The following ARHGEF33 variants were observed in gnomAD, a reference collection of about 807,000 sequenced individuals.
ARHGEF33 encodes DH and coiled-coil domain-containing protein ENSP00000381780.
A neutral mutation model predicts 101.9 loss-of-function variants in ARHGEF33; 72 were observed. The observed-to-expected ratio is 0.71, with a 90% CI of 0.58 to 0.86. The LOEUF is 0.86. Ranked by LOEUF, ARHGEF33 falls within the 40% of genes least tolerant of loss-of-function variation. ARHGEF33 has a pLI of 0.00. For missense variants in ARHGEF33, 1,169 were observed against 1,111.3 expected, an observed-to-expected ratio of 1.05 and a Z score of -0.74; for synonymous variants, 499 against 442.5, an observed-to-expected ratio of 1.13 and a Z score of -1.60.
At position 38,895,868 on chromosome 2, in the gene ARHGEF33, G is replaced by T. The variant is rs1164503041; in HGVS notation, c.-86+19G>T. On this transcript the variant is annotated intron_variant, in intron 2 of 17. Coordinates refer to ENST00000409978, the MANE Select transcript of ARHGEF33 (RefSeq NM_001145451.5). ...GCACGAGGTGAGTGAAAATTGCAAA[G>T]AACTGTTTTCTAATAAGAACACAGG... The T allele has an allele frequency of 6.6e-6, 1 of 151,776 alleles. No individual in the cohort carries two copies. Among genetic ancestry groups the T allele is most frequent in the African/African-American group, 2.4e-5 (1 of 41,280 alleles). 9.4% of individuals were successfully genotyped at this position (151,776 alleles called of 1,614,324 possible). A position where few individuals can be genotyped will look rare whatever the true frequency, so the allele number is the denominator to read the frequency against.
intron 17 of ARHGEF33, among the ~76,000 whole-genome samples, chr2:38,971,616 C>T (rs937742281): frequency 3.3e-5 from 5 of 152,040 alleles, no homozygotes; most frequent in East Asian, 1.9e-4. Flanking sequence ...TATATGTAAG[C>T]GTTATAAAGA....
At chr2:38,961,001 C>A (rs1172895541) in intron 16 of ARHGEF33, among the ~76,000 whole-genome samples, 1 of 152,108 alleles carries the variant, frequency 6.6e-6, no homozygotes, top group East Asian at 1.9e-4. Context: ...GTAATCTCTT[C>A]CTGCTTATGT....
intron 9 of ARHGEF33, among the ~76,000 whole-genome samples, chr2:38,942,096 A>G (rs954310795): frequency 2.1e-5 from 3 of 145,784 alleles, no homozygotes; most frequent in Non-Finnish European, 4.5e-5. Context: ...TTGATGTTGG[A>G]CCTCTTGGAT....
Position 38,975,378 on chromosome 2 carries a change from C to T in ARHGEF33, c.*1535C>T, listed in dbSNP as rs573498510. ...TGGCCGGCAGTGCTTGCAAGCACAA[C>T]GCCAAATCGACTGGACGTGGAAAGT... On this transcript the variant is annotated 3_prime_UTR_variant, in exon 18 of 18. Transcript: ENST00000409978. 2.6e-5 allele frequency: 4 copies of T among 152,262 alleles called. No individual in the cohort carries two copies. The highest frequency in any genetic ancestry group is 9.6e-5 in the African/African-American group (4 of 41,558). 9.4% of individuals were successfully genotyped at this position (152,262 alleles called of 1,614,324 possible). A position where few individuals can be genotyped will look rare whatever the true frequency, so the allele number is the denominator to read the frequency against.
At chr2:38,944,230 T>C (rs564861789) in intron 10 of ARHGEF33, among the ~76,000 whole-genome samples, 200 bp downstream of exon 10, 1 of 152,368 alleles carries the variant, frequency 6.6e-6, no homozygotes. Context: ...TAACTTTTAA[T>C]GAACAGAAAT....
At chr2:38,900,889 A>G (rs1431350241) in intron 2 of ARHGEF33, among the ~76,000 whole-genome samples, 1 of 152,200 alleles carries the variant, frequency 6.6e-6, no homozygotes, top group African/African-American at 2.4e-5. Context: ...GGAAGGGTGG[A>G]AGAGGAGGCT....
intron 4 of ARHGEF33, among the ~76,000 whole-genome samples, chr2:38,922,412 G>A (rs573633258): frequency 4.2e-4 from 64 of 152,228 alleles, no homozygotes; most frequent in Middle Eastern, 3.4e-3. Flanking sequence ...TAGATTTGTC[G>A]AGTTTAAGTG....
chr2:38,953,120 G>A, intron 11 of ARHGEF33, 42 bp from the exon 12 acceptor site: 3 of 907,766 alleles, frequency 3.3e-6, no homozygotes, highest in Non-Finnish European at 5.4e-6. Context: ...TATAGATCCT[G>A]TTTTCAGGTT....
At chr2:38,911,786 G>A (rs1306469304) in intron 2 of ARHGEF33, among the ~76,000 whole-genome samples, 2 of 152,150 alleles carry the variant, frequency 1.3e-5, no homozygotes, top group East Asian at 3.9e-4. Context: ...TGAGGCAGGA[G>A]GATTGCTTGA....
chr2:38,928,779 A>T, intron 4 of ARHGEF33, 128 bp from the exon 5 acceptor site: 2 of 808,040 alleles, frequency 2.5e-6, no homozygotes, highest in Non-Finnish European at 3.8e-6. Flanking sequence ...AAAGTGAAGT[A>T]CACTAGTAAA....
At chr2:38,937,637 C>T in intron 9 of ARHGEF33, 78 bp downstream of exon 9, 1 of 889,308 alleles carries the variant, frequency 1.1e-6, no homozygotes, top group African/African-American at 1.7e-5. Context: ...AGGCGAGAAT[C>T]CTTGCCGTTT....
At chr2:38,945,527 G>A (rs1426323819) in intron 10 of ARHGEF33, among the ~76,000 whole-genome samples, 1 of 152,234 alleles carries the variant, frequency 6.6e-6, no homozygotes, top group Non-Finnish European at 1.5e-5. Context: ...TCCCTATCTG[G>A]CCCTTCCAGT....
intron 10 of ARHGEF33, among the ~76,000 whole-genome samples, chr2:38,944,418 T>C (rs1484879164): frequency 6.6e-6 from 1 of 152,094 alleles, no homozygotes; most frequent in Non-Finnish European, 1.5e-5. Flanking sequence ...GCCCCTTTTG[T>C]AGTGGCAATA....
intron 10 of ARHGEF33, among the ~76,000 whole-genome samples, chr2:38,948,106 A>T (rs77534654): frequency 6.6e-6 from 1 of 152,022 alleles, no homozygotes; most frequent in South Asian, 2.1e-4. Context: ...AAAAAAAAAA[A>T]GCTGAGCTCT....
rs112521380 is a variant in ARHGEF33, at chr2:38,944,876, G to GTGT, written c.920+846_920+847insTGT. On this transcript the variant is annotated intron_variant, in intron 10 of 17. Transcript: ENST00000409978. ...ATCTTATGGTACTGAGTAATGCATG[G>GTGT]GTGTGTGTGTGTGTGTGTGTGTGTG... 2.7e-5 allele frequency among the ~76,000 whole-genome samples: 4 copies of GTGT among 145,646 alleles called. No individual in the cohort carries two copies. In the South Asian group the frequency reaches 6.6e-4, roughly 24 times the overall value.
intron 10 of ARHGEF33, among the ~76,000 whole-genome samples, chr2:38,945,655 G>C (rs1667428382): frequency 6.6e-6 from 1 of 152,270 alleles, no homozygotes; most frequent in African/African-American, 2.4e-5. Context: ...TAAAGGCGGT[G>C]TACCCTTTGG....
At position 38,915,517 on chromosome 2, in the gene ARHGEF33, C is replaced by T. The variant is rs182566583; in HGVS notation, c.-85-3846C>T. Among the ~76,000 whole-genome samples the T allele has an allele frequency of 2.1e-3, 314 of 150,938 alleles. 1 individual carries two copies. Among genetic ancestry groups the T allele is most frequent in the African/African-American group, 7.1e-3 (291 of 41,032 alleles). On this transcript the variant is annotated intron_variant, in intron 2 of 17. Transcript: ENST00000409978. ...CTCCTGAGTAGCTGGGATTACAAGG[C>T]GTGTGCCACCAAACCTGGCTAATTT...
chr2:38,936,148 G>A lies in ARHGEF33; in HGVS notation c.565+314G>A, dbSNP rs138720036. On this transcript the variant is annotated intron_variant, in intron 8 of 17. Coordinates refer to ENST00000409978, the MANE Select transcript of ARHGEF33 (RefSeq NM_001145451.5). ...GAATGTAGCATGATGTAAGTTTTCC[G>A]TGGATCACACACTGTATAGTTTAAT... Among the ~76,000 whole-genome samples the A allele has an allele frequency of 1.2e-3, 179 of 152,288 alleles. 4 individuals are homozygous for A. Among genetic ancestry groups the A allele is most frequent in the African/African-American group, 3.9e-3 (163 of 41,556 alleles).
At chr2:38,937,693 C>A in intron 9 of ARHGEF33, 134 bp downstream of exon 9, 1 of 631,372 alleles carries the variant, frequency 1.6e-6, no homozygotes, top group Non-Finnish European at 2.8e-6. Flanking sequence ...GTTTCCTTTT[C>A]AGATGAACTA....
Sources: gnomAD v4.1 joint callset for allele counts (sites outside exome capture counted in the v4.1 genomes callset) on GRCh38, gnomAD v4.1.1 for gene constraint, MANE v1.5 for transcripts, NCBI Gene and HGNC (gene_info 2026-07-23, HGNC 2026-07-21) for gene names.